GRID1: variants seen among roughly 807,000 people sequenced by gnomAD.
The protein encoded by GRID1 is glutamate ionotropic receptor delta type subunit 1.
A neutral mutation model predicts 98.0 loss-of-function variants in GRID1; 28 were observed. The observed-to-expected ratio is 0.29, with a 90% CI of 0.21 to 0.39. GRID1 has a LOEUF of 0.39. Among genes scored for constraint, GRID1 ranks in the 10% least tolerant of loss-of-function variants. The pLI is 1.00. For missense variants in GRID1, 1,111 were observed against 1,340.5 expected (o/e 0.83, Z 2.67); for synonymous variants, 553 against 538.5 (o/e 1.03, Z -0.37).
chr10:86,234,255 G>T (rs1344431349), intron 2 of GRID1, among the ~76,000 whole-genome samples: 1 of 152,218 alleles, frequency 6.6e-6, no homozygotes, highest in East Asian at 1.9e-4. Context: ...AAAGAGAGAA[G>T]TGGCCAGCTT....
At chr10:86,000,666 T>G (rs1424175968) in intron 4 of GRID1, among the ~76,000 whole-genome samples, 6 of 152,176 alleles carry the variant, frequency 3.9e-5, no homozygotes, top group African/African-American at 1.4e-4. Context: ...AGCAATTCAA[T>G]GGAGAAAGGA....
At chr10:86,185,410 T>C (rs1047652710) in intron 3 of GRID1, among the ~76,000 whole-genome samples, 1 of 152,184 alleles carries the variant, frequency 6.6e-6, no homozygotes, top group Non-Finnish European at 1.5e-5. Context: ...GATCATATAA[T>C]CAGTAAATTT....
chr10:85,854,800 C>G (rs548307370), intron 7 of GRID1, among the ~76,000 whole-genome samples, 185 bp from the exon 8 acceptor site: 1 of 152,276 alleles, frequency 6.6e-6, no homozygotes, highest in South Asian at 2.1e-4. Context: ...TCAGTACTTT[C>G]TAGGATATTT....
chr10:85,736,702 T>G (rs371787163), intron 8 of GRID1, among the ~76,000 whole-genome samples: 146 of 152,202 alleles, frequency 9.6e-4, no homozygotes, highest in African/African-American at 3.5e-3. Flanking sequence ...GGGCTCAGAG[T>G]ATGTTTCAAA....
At chr10:86,078,044 C>G (rs1365766551) in intron 4 of GRID1, among the ~76,000 whole-genome samples, 1 of 152,238 alleles carries the variant, frequency 6.6e-6, no homozygotes, top group Non-Finnish European at 1.5e-5. Context: ...CAAGGGTTCT[C>G]CAGGACCTGG....
intron 12 of GRID1, among the ~76,000 whole-genome samples, chr10:85,672,663 T>C (rs1228713894): frequency 2.0e-5 from 3 of 152,050 alleles, no homozygotes; most frequent in Non-Finnish European, 2.9e-5. Context: ...GTTTACAGCA[T>C]GGCTTACTGA....
intron 2 of GRID1, among the ~76,000 whole-genome samples, chr10:86,207,626 TTC>T (rs1413766421): frequency 2.5e-4 from 29 of 114,476 alleles, no homozygotes; most frequent in Non-Finnish European, 5.1e-4. Context: ...CAGATGCAGT[TTC>T]TTTTTTTTTT....
chr10:86,294,804 G>A (rs957190778), intron 2 of GRID1, among the ~76,000 whole-genome samples: 1 of 152,202 alleles, frequency 6.6e-6, no homozygotes, highest in African/African-American at 2.4e-5. Flanking sequence ...TCAAGAAAAG[G>A]AGTACAACAG....
At chr10:86,207,095 G>C (rs554775794) in intron 2 of GRID1, among the ~76,000 whole-genome samples, 5 of 152,160 alleles carry the variant, frequency 3.3e-5, no homozygotes, top group Non-Finnish European at 5.9e-5. Context: ...AGAATATACT[G>C]TGTGTTCTAC....
chr10:85,792,986 G>A (rs1022493536), intron 8 of GRID1, among the ~76,000 whole-genome samples: 1 of 152,140 alleles, frequency 6.6e-6, no homozygotes, highest in African/African-American at 2.4e-5. Context: ...CCTGCTTCAG[G>A]GCTCTGCCAC....
At chr10:86,077,730 G>A (rs374658349) in intron 4 of GRID1, among the ~76,000 whole-genome samples, 3 of 152,214 alleles carry the variant, frequency 2.0e-5, no homozygotes, top group Admixed American at 6.5e-5. Context: ...AGCCCTCTGA[G>A]AACCTATATT....
chr10:86,222,447 A>G (rs1395844628), intron 2 of GRID1, among the ~76,000 whole-genome samples: 1 of 152,166 alleles, frequency 6.6e-6, no homozygotes, highest in African/African-American at 2.4e-5. Flanking sequence ...GCAGTGGGTC[A>G]GGTGGGGAGG....
chr10:86,206,758 G>A lies in GRID1; in HGVS notation c.236-110C>T, dbSNP rs1754639208. The stretch of plus-strand genomic sequence containing the variant: ...GCTCATGCCCAGGACTCCCAAGAGA[G>A]GCTGCCTCCCTCCAGGACCAAGAAC... On this transcript the variant is annotated intron_variant, in intron 2 of 15. Coordinates refer to ENST00000327946, the MANE Select transcript of GRID1 (RefSeq NM_017551.3). This position sits in a 1 kb window ranked among gnomAD's most constrained non-coding sequence, Gnocchi z 4.1. 9.8e-7 allele frequency: 1 copy of A among 1,025,222 alleles called. No homozygotes were observed. The highest frequency in any genetic ancestry group is 1.6e-5 in the African/African-American group (1 of 62,652). 63.5% of individuals were successfully genotyped at this position (1,025,222 alleles called of 1,614,324 possible).
At chr10:85,682,854 T>C (rs369374041) in intron 12 of GRID1, among the ~76,000 whole-genome samples, 1 of 152,214 alleles carries the variant, frequency 6.6e-6, no homozygotes, top group East Asian at 1.9e-4. Context: ...GCCTGCCTGT[T>C]GTGAGAATCC....
At chr10:85,863,016 CAA>C (rs1380248597) in intron 6 of GRID1, among the ~76,000 whole-genome samples, 4 of 152,198 alleles carry the variant, frequency 2.6e-5, no homozygotes. Context: ...TGAGCAGCTA[CAA>C]TGCAAATGCC....
chr10:85,613,413 G>T lies in GRID1; in HGVS notation c.2595C>A (p.Pro865=). The T allele has an allele frequency of 6.2e-7, 1 of 1,612,630 alleles. No homozygotes were observed. Among genetic ancestry groups the T allele is most frequent in the Non-Finnish European group, 8.5e-7 (1 of 1,179,680 alleles). Residue 865 remains proline (P), a synonymous_variant, in exon 15 of 16, where the codon CCC becomes CCA. Coordinates refer to ENST00000327946, the MANE Select transcript of GRID1 (RefSeq NM_017551.3). ...WNSNRCHQET[P]KEDKEVNLEQ... is the part of the protein sequence containing the mutation. ...CAGGCCCCAGGGTGCTGACCTCCTT[G>T]GGGGTCTCCTGGTGGCACCGGTTGC...
intron 4 of GRID1, among the ~76,000 whole-genome samples, chr10:86,057,934 G>T (rs1368467000): frequency 6.6e-6 from 1 of 152,160 alleles, no homozygotes; most frequent in Non-Finnish European, 1.5e-5. Flanking sequence ...CATGCGGTGT[G>T]CGCTCCAGAA....
intron 2 of GRID1, among the ~76,000 whole-genome samples, chr10:86,237,407 C>T (rs908726866): frequency 1.3e-5 from 2 of 152,148 alleles, no homozygotes; most frequent in Non-Finnish European, 2.9e-5. Flanking sequence ...TGTTTAAAAG[C>T]ATGTAGCACC....
At chr10:86,319,805 G>T (rs1315230710) in intron 2 of GRID1, among the ~76,000 whole-genome samples, 3 of 152,186 alleles carry the variant, frequency 2.0e-5, no homozygotes, top group South Asian at 4.1e-4. Flanking sequence ...GTGCCCAGGG[G>T]CTGCCCCTCC....
Sources: allele counts gnomAD v4.1 joint callset (sites outside exome capture counted in the v4.1 genomes callset), GRCh38; gene constraint gnomAD v4.1.1; non-coding constraint Gnocchi (gnomAD v3.1); transcripts MANE v1.5; gene names NCBI Gene and HGNC (gene_info 2026-07-23, HGNC 2026-07-21).